Variants in ELMO1 observed in about 807,000 individuals in gnomAD.
ELMO1 encodes engulfment and cell motility 1.
A neutral mutation model predicts 98.9 loss-of-function variants in ELMO1; 26 were observed. The ratio of observed to expected loss-of-function variants is 0.26; its 90% CI spans 0.19 to 0.36. The LOEUF (loss-of-function observed/expected upper bound fraction) is 0.36, where lower values mean the gene tolerates loss of function less well. Ranked by LOEUF, ELMO1 falls within the 10% of genes least tolerant of loss-of-function variation. The probability of loss-of-function intolerance (pLI) is 1.00; values close to 1 mark genes in which losing one functional copy is unlikely to be tolerated. For synonymous variants in ELMO1, 346 were observed against 346.0 expected, an observed-to-expected ratio of 1.00 and a Z score of 0.00; for missense variants, 627 against 935.2, an observed-to-expected ratio of 0.67 and a Z score of 4.30.
intron 4 of ELMO1, among the ~76,000 whole-genome samples, chr7:37,310,499 A>G (rs1798837562): frequency 6.6e-6 from 1 of 152,220 alleles, no homozygotes; most frequent in African/African-American, 2.4e-5. Flanking sequence ...GCAAATATAA[A>G]TGCACTTTGT....
intron 4 of ELMO1, among the ~76,000 whole-genome samples, chr7:37,303,594 T>C (rs1798456475): frequency 6.6e-6 from 1 of 152,212 alleles, no homozygotes; most frequent in Non-Finnish European, 1.5e-5. Context: ...TAATGGTTTT[T>C]GCTTTTCACT....
At chr7:37,359,973 T>C (rs1801635913) in intron 1 of ELMO1, among the ~76,000 whole-genome samples, 1 of 152,176 alleles carries the variant, frequency 6.6e-6, no homozygotes, top group Non-Finnish European at 1.5e-5. Flanking sequence ...GATGCTGTGA[T>C]AGAAGCTGCA....
chr7:36,952,418 C>T (rs997244953), intron 16 of ELMO1, among the ~76,000 whole-genome samples: 5 of 152,176 alleles, frequency 3.3e-5, no homozygotes, highest in African/African-American at 4.8e-5. Flanking sequence ...GCAAGCGGGG[C>T]GGGGAGACGA....
intron 15 of ELMO1, among the ~76,000 whole-genome samples, chr7:37,077,423 C>T (rs921503720): frequency 6.6e-5 from 10 of 152,082 alleles, no homozygotes; most frequent in African/African-American, 1.9e-4. Flanking sequence ...ATTTCTGGGG[C>T]GTGGTGGTGT....
intron 12 of ELMO1, among the ~76,000 whole-genome samples, chr7:37,211,755 G>A (rs1247535764): frequency 6.6e-6 from 1 of 152,194 alleles, no homozygotes; most frequent in Non-Finnish European, 1.5e-5. Flanking sequence ...TAGCCAAGTA[G>A]TTATCTGGAG....
intron 13 of ELMO1, among the ~76,000 whole-genome samples, chr7:37,200,498 AACATGT>A (rs1792227191): frequency 6.6e-6 from 1 of 152,154 alleles, no homozygotes; most frequent in Non-Finnish European, 1.5e-5. Flanking sequence ...GGCAACCCTG[AACATGT>A]ACAGGCAGGG....
chr7:36,992,021 C>T (rs1791912459), intron 16 of ELMO1, among the ~76,000 whole-genome samples: 1 of 152,126 alleles, frequency 6.6e-6, no homozygotes, highest in Non-Finnish European at 1.5e-5. Context: ...GGGATTATTC[C>T]CAAGCATCCT....
chr7:36,857,414 C>G (rs1176638307), intron 21 of ELMO1, among the ~76,000 whole-genome samples: 1 of 152,088 alleles, frequency 6.6e-6, no homozygotes, highest in African/African-American at 2.4e-5. Context: ...CCACTGAACT[C>G]TACATTCTCA....
chr7:37,423,302 G>A (rs894266283), intron 1 of ELMO1, among the ~76,000 whole-genome samples: 19 of 152,190 alleles, frequency 1.2e-4, no homozygotes, highest in Admixed American at 9.2e-4. Flanking sequence ...ACAGTTGGCC[G>A]GGCGTGGTGG....
intron 15 of ELMO1, among the ~76,000 whole-genome samples, chr7:37,074,265 T>C (rs1448048657): frequency 6.6e-6 from 1 of 150,932 alleles, no homozygotes; most frequent in East Asian, 1.9e-4. Flanking sequence ...GGAAATAAAA[T>C]CTATGCTATG....
At chr7:37,277,626 A>T (rs1796914544) in intron 4 of ELMO1, among the ~76,000 whole-genome samples, 1 of 152,158 alleles carries the variant, frequency 6.6e-6, no homozygotes, top group South Asian at 2.1e-4. Context: ...GCTGGGCAAT[A>T]TGGCCGGCAT....
chr7:37,358,135 C>T (rs2131318034), intron 1 of ELMO1, among the ~76,000 whole-genome samples: 1 of 152,240 alleles, frequency 6.6e-6, no homozygotes, highest in East Asian at 1.9e-4. Context: ...TCTGTACTCC[C>T]TGGGAAATTA....
At chr7:37,021,040 T>C (rs2129179154) in intron 15 of ELMO1, among the ~76,000 whole-genome samples, 1 of 152,366 alleles carries the variant, frequency 6.6e-6, no homozygotes, top group South Asian at 2.1e-4. Flanking sequence ...AAAAATAATC[T>C]TACCGTACTT....
At chr7:37,129,423 G>A (rs889492779) in intron 14 of ELMO1, among the ~76,000 whole-genome samples, 1 of 152,210 alleles carries the variant, frequency 6.6e-6, no homozygotes, top group Non-Finnish European at 1.5e-5. Context: ...GTGGGTCTCA[G>A]CTCAGCCACC....
chr7:37,290,295 G>A (rs1018507998), intron 4 of ELMO1, among the ~76,000 whole-genome samples: 15 of 152,132 alleles, frequency 9.9e-5, no homozygotes, highest in African/African-American at 3.1e-4. Context: ...AACATTAGCT[G>A]ATGTAAAAGG....
At chr7:36,968,735 ATTTCT>A (rs1562864830) in intron 16 of ELMO1, among the ~76,000 whole-genome samples, 2 of 151,784 alleles carry the variant, frequency 1.3e-5, no homozygotes, top group Admixed American at 6.6e-5. Context: ...TGATTCTATT[ATTTCT>A]TTTATTTTCT....
intron 16 of ELMO1, among the ~76,000 whole-genome samples, chr7:37,012,955 C>T (rs148786284): frequency 2.0e-5 from 3 of 152,060 alleles, no homozygotes; most frequent in Admixed American, 6.6e-5. Flanking sequence ...GCCCCTTCCC[C>T]GACAGATCTT....
chr7:37,325,494 C>A (rs542968034), intron 2 of ELMO1, among the ~76,000 whole-genome samples: 2 of 152,162 alleles, frequency 1.3e-5, no homozygotes, highest in African/African-American at 4.8e-5. Flanking sequence ...AAGCGGTCCC[C>A]GGTCCTCACT....
intron 14 of ELMO1, among the ~76,000 whole-genome samples, chr7:37,128,751 A>T (rs1045897452): frequency 5.9e-5 from 9 of 152,162 alleles, no homozygotes; most frequent in African/African-American, 2.2e-4. Flanking sequence ...AACCAGAACT[A>T]AAAAAAGCTC....
Sources: allele counts gnomAD v4.1 joint callset (sites outside exome capture counted in the v4.1 genomes callset), GRCh38; gene constraint gnomAD v4.1.1; transcripts MANE v1.5; gene names NCBI Gene and HGNC (gene_info 2026-07-23, HGNC 2026-07-21).